The following EPS8 variants were observed in gnomAD, a reference collection of about 807,000 sequenced individuals.
EPS8 encodes the protein epidermal growth factor receptor kinase substrate 8.
A neutral mutation model predicts 103.8 loss-of-function variants in EPS8; 42 were observed. The observed-to-expected ratio is 0.40, with a 90% CI of 0.32 to 0.52. EPS8 has a LOEUF of 0.52. EPS8 is among the 20% of genes least tolerant of loss of function. The pLI is 0.40. For missense variants in EPS8, 969 were observed against 1,005.1 expected, an observed-to-expected ratio of 0.96 and a Z score of 0.49; for synonymous variants, 344 against 344.6, an observed-to-expected ratio of 1.00 and a Z score of 0.02.
In EPS8 at chr12:15,771,896, G is replaced by A. The variant is rs893782769; in HGVS notation, c.-22+17265C>T. On this transcript the variant is annotated intron_variant, in intron 1 of 20. Coordinates refer to ENST00000281172, the MANE Select transcript of EPS8 (RefSeq NM_004447.6). The surrounding 1 kb of genome is among the most constrained non-coding windows in gnomAD (Gnocchi z 4.6). The stretch of plus-strand genomic sequence containing the variant: ...TCACAGCACTTTGGGAGGCCGAGGT[G>A]GGTGGATCACGAGGTCAGGAGATCG... 6.6e-6 allele frequency among the ~76,000 whole-genome samples: 1 copy of A among 151,950 alleles called. No individual in the cohort carries two copies. Among genetic ancestry groups the A allele is most frequent in the Non-Finnish European group, 1.5e-5 (1 of 67,978 alleles).
At chr12:15,739,413 A>T (rs202013061) in intron 1 of EPS8, among the ~76,000 whole-genome samples, 1 of 150,858 alleles carries the variant, frequency 6.6e-6, no homozygotes, top group East Asian at 2.0e-4. Flanking sequence ...TCTGGGAGAG[A>T]TTGGCGTGTG....
chr12:15,668,314 T>C (rs940300524), intron 6 of EPS8, among the ~76,000 whole-genome samples: 4 of 152,206 alleles, frequency 2.6e-5, no homozygotes, highest in Admixed American at 6.5e-5. Flanking sequence ...ACTTTATCTA[T>C]CATCTTTAAA....
At chr12:15,622,427 C>G (rs1944874741) in intron 20 of EPS8, among the ~76,000 whole-genome samples, 1 of 152,076 alleles carries the variant, frequency 6.6e-6, no homozygotes, top group Non-Finnish European at 1.5e-5. Context: ...ATAGAATATA[C>G]CTGCTAGAGA....
In EPS8 at chr12:15,757,304, A is replaced by G. The variant is rs1000121796; in HGVS notation, c.-22+31857T>C. On this transcript the variant is annotated intron_variant, in intron 1 of 20. Transcript: ENST00000281172. This position sits in a 1 kb window ranked among gnomAD's most constrained non-coding sequence, Gnocchi z 4.1. Reference sequence around the variant, plus strand: ...AATTAAACTTTCCTTCAGATTGCATATTAATAACAAAGAGGTAAAGGTATT... The same window carrying G: ...AATTAAACTTTCCTTCAGATTGCATGTTAATAACAAAGAGGTAAAGGTATT... 6.6e-6 allele frequency among the ~76,000 whole-genome samples: 1 copy of G among 152,168 alleles called. No individual in the cohort carries two copies. Among genetic ancestry groups the G allele is most frequent in the Admixed American group, 6.5e-5 (1 of 15,268 alleles).
chr12:15,645,636 G>C (rs954471117), intron 15 of EPS8, among the ~76,000 whole-genome samples: 1 of 152,074 alleles, frequency 6.6e-6, no homozygotes, highest in Non-Finnish European at 1.5e-5. Flanking sequence ...CTGTGGTAAG[G>C]TGCCCAAAAT....
intron 19 of EPS8, 43 bp from the exon 20 acceptor site, chr12:15,623,330 T>C (rs746885957): frequency 1.3e-6 from 2 of 1,553,608 alleles, no homozygotes; most frequent in Non-Finnish European, 1.7e-6. Flanking sequence ...ATTAAAAATA[T>C]TGCCTACAAA....
intron 12 of EPS8, among the ~76,000 whole-genome samples, chr12:15,656,885 A>G (rs1945516278): frequency 6.6e-6 from 1 of 152,154 alleles, no homozygotes; most frequent in African/African-American, 2.4e-5. Flanking sequence ...CTTGCACAGT[A>G]TATCCAATCT....
In EPS8 at chr12:15,779,206, A is replaced by T. The variant is rs1156498357; in HGVS notation, c.-22+9955T>A. 6.6e-6 allele frequency among the ~76,000 whole-genome samples: 1 copy of T among 152,156 alleles called. No homozygotes were observed. The highest frequency in any genetic ancestry group is 1.5e-5 in the Non-Finnish European group (1 of 68,020). On this transcript the variant is annotated intron_variant, in intron 1 of 20. Coordinates refer to ENST00000281172, the MANE Select transcript of EPS8 (RefSeq NM_004447.6). This position sits in a 1 kb window ranked among gnomAD's most constrained non-coding sequence, Gnocchi z 4.3. ...TTTGTCAGGCTGGTCTCGAACTCCC[A>T]AACTCAGGTGATCCGCCTGCCTCGG... is the stretch of plus-strand genomic sequence containing the variant.
chr12:15,654,660 C>T (rs1461163256), intron 12 of EPS8, among the ~76,000 whole-genome samples: 1 of 152,114 alleles, frequency 6.6e-6, no homozygotes, highest in Non-Finnish European at 1.5e-5. Context: ...ACTGGCAAAT[C>T]TATTATGCCA....
In EPS8 at chr12:15,620,223, T is replaced by C. The variant is rs556711940; in HGVS notation, c.*1094A>G. ...CAGCTGACTCATGTGAAAAAGGCAC[T>C]ATGAAAATTAATGAATCTAGATAAT... On this transcript the variant is annotated 3_prime_UTR_variant, in exon 21 of 21. Coordinates refer to ENST00000281172, the MANE Select transcript of EPS8 (RefSeq NM_004447.6). The C allele has an allele frequency of 6.5e-6, 1 of 152,768 alleles. No homozygotes were observed. Among genetic ancestry groups the C allele is most frequent in the Admixed American group, 6.5e-5 (1 of 15,302 alleles). The allele number at this position is 152,768 out of a possible 1,614,324, so 9.5% of individuals were successfully genotyped here.
intron 12 of EPS8, among the ~76,000 whole-genome samples, chr12:15,655,595 C>A (rs1300694078): frequency 6.6e-6 from 1 of 152,006 alleles, no homozygotes; most frequent in Non-Finnish European, 1.5e-5. Flanking sequence ...TAACTTCCAA[C>A]CTCGAACGCA....
In EPS8 at chr12:15,721,060, G is replaced by C. The variant is rs1946589576; in HGVS notation, c.-21-38088C>G. On this transcript the variant is annotated intron_variant, in intron 1 of 20. Transcript: ENST00000281172. This position sits in a 1 kb window ranked among gnomAD's most constrained non-coding sequence, Gnocchi z 4.4. ...TGTCCCATTAGAATACATACTTCTT[G>C]AGGGCAAGGGCCAGCCTTTGTTTAC... Among the ~76,000 whole-genome samples, 1 of 152,104 alleles carries C rather than the reference G, an allele frequency of 6.6e-6. No individual in the cohort carries two copies. The highest frequency in any genetic ancestry group is 2.1e-4 in the South Asian group (1 of 4,828).
At position 15,776,245 on chromosome 12, in the gene EPS8, A is replaced by G. The variant is rs1947205524; in HGVS notation, c.-22+12916T>C. On this transcript the variant is annotated intron_variant, in intron 1 of 20. Transcript: ENST00000281172. This position sits in a 1 kb window ranked among gnomAD's most constrained non-coding sequence, Gnocchi z 4.2. Reference sequence around the variant, plus strand: ...AGGAAGAAGCAGCTGAAATGATCATAGCTAGAAGCTTTTAAATGTAATTTT... The same window carrying G: ...AGGAAGAAGCAGCTGAAATGATCATGGCTAGAAGCTTTTAAATGTAATTTT... 6.6e-6 allele frequency among the ~76,000 whole-genome samples: 1 copy of G among 152,204 alleles called. No individual in the cohort carries two copies. The highest frequency in any genetic ancestry group is 2.4e-5 in the African/African-American group (1 of 41,462).
intron 9 of EPS8, among the ~76,000 whole-genome samples, chr12:15,661,323 C>A (rs2135817383): frequency 6.6e-6 from 1 of 152,210 alleles, no homozygotes; most frequent in South Asian, 2.1e-4. Context: ...ACTTGACATT[C>A]TTCTAATTTA....
rs1330321956 is a variant in EPS8, at chr12:15,781,348, T to G, written c.-22+7813A>C. The stretch of plus-strand genomic sequence containing the variant: ...AGGACACTCTGGCCATCCTTGCCCT[T>G]TTTCTTTAATAAGGGCAGCACAACC... On this transcript the variant is annotated intron_variant, in intron 1 of 20. Coordinates refer to ENST00000281172, the MANE Select transcript of EPS8 (RefSeq NM_004447.6). The surrounding 1 kb of genome is among the most constrained non-coding windows in gnomAD (Gnocchi z 4.1). 6.6e-6 allele frequency among the ~76,000 whole-genome samples: 1 copy of G among 152,166 alleles called. No homozygotes were observed.
At chr12:15,640,626 A>T in intron 17 of EPS8, 77 bp downstream of exon 17, 1 of 1,310,364 alleles carries the variant, frequency 7.6e-7, no homozygotes, top group Non-Finnish European at 1.1e-6. Context: ...CAATACACAA[A>T]GGTGTTTAAA....
rs1164790927 is a variant in EPS8, at chr12:15,734,682, A to G, written c.-21-51710T>C. Among the ~76,000 whole-genome samples the G allele has an allele frequency of 6.6e-6, 1 of 152,102 alleles. No homozygotes were observed. Among genetic ancestry groups the G allele is most frequent in the African/African-American group, 2.4e-5 (1 of 41,426 alleles). ...GTACTCCAGCCTGGGCGACAGAGCG[A>G]GACTCCGTACAGAGCGAGACTCTGT... On this transcript the variant is annotated intron_variant, in intron 1 of 20. Transcript: ENST00000281172. This position sits in a 1 kb window ranked among gnomAD's most constrained non-coding sequence, Gnocchi z 4.1.
rs747428144 is a variant in EPS8 at position 15,690,480 on chromosome 12, C to T, written c.-21-7508G>A. On this transcript the variant is annotated intron_variant, in intron 1 of 20. Transcript: ENST00000281172. The surrounding 1 kb of genome is among the most constrained non-coding windows in gnomAD (Gnocchi z 4.7). ...TGATAGTCACTATTTCTTATCTCAA[C>T]TTCCTCTCTTCCTGCCTGCCATAAT... Among the ~76,000 whole-genome samples the T allele has an allele frequency of 1.3e-5, 2 of 152,070 alleles. No individual in the cohort carries two copies. The highest frequency in any genetic ancestry group is 2.9e-5 in the Non-Finnish European group (2 of 68,000).
chr12:15,644,575 G>A (rs1180089302), intron 15 of EPS8, among the ~76,000 whole-genome samples: 2 of 151,972 alleles, frequency 1.3e-5, no homozygotes, highest in African/African-American at 4.8e-5. Flanking sequence ...GCGGGCACCT[G>A]TAGTCCCAGC....
Sources: allele counts gnomAD v4.1 joint callset (sites outside exome capture counted in the v4.1 genomes callset), GRCh38; gene constraint gnomAD v4.1.1; non-coding constraint Gnocchi (gnomAD v3.1); transcripts MANE v1.5; gene names NCBI Gene and HGNC (gene_info 2026-07-23, HGNC 2026-07-21).